Variants in ADAMTSL1 observed in about 807,000 individuals in gnomAD.
ADAMTSL1 encodes the protein ADAMTS like 1.
Under a neutral mutation model 201.8 loss-of-function variants are expected in ADAMTSL1, and 126 were observed. The ratio of observed to expected loss-of-function variants is 0.62; its 90% CI spans 0.54 to 0.72. The LOEUF is 0.72. ADAMTSL1 is among the 30% of genes least tolerant of loss of function. ADAMTSL1 has a pLI of 0.00. For missense variants in ADAMTSL1, 2,679 were observed against 2,277.8 expected (o/e 1.18, Z -3.59); for synonymous variants, 1,121 against 903.4 (o/e 1.24, Z -4.32).
intron 20 of ADAMTSL1, among the ~76,000 whole-genome samples, chr9:18,814,807 T>C (rs974705473): frequency 6.6e-6 from 1 of 152,286 alleles, no homozygotes; most frequent in East Asian, 1.9e-4. Context: ...TGAAATAATC[T>C]GTACAACAAA....
At chr9:18,116,135 G>C (rs1422891722) in intron 1 of ADAMTSL1, among the ~76,000 whole-genome samples, 1 of 152,134 alleles carries the variant, frequency 6.6e-6, no homozygotes, top group East Asian at 1.9e-4. Context: ...TCGAAGGCTT[G>C]ATGCCATCAT....
Position 18,532,575 on chromosome 9 carries a change from CA to C in ADAMTSL1, c.192-666del, listed in dbSNP as rs551458973. Among the ~76,000 whole-genome samples the C allele has an allele frequency of 1.8e-3, 278 of 151,856 alleles. 1 individual carries two copies. Among genetic ancestry groups the C allele is most frequent in the Middle Eastern group, 3.4e-3 (1 of 292 alleles). On this transcript the variant is annotated intron_variant, in intron 2 of 28. Transcript: ENST00000380548. ...ATTTAATACTGTGAGAAAATGCCTC[CA>C]AAAAATTTTAAGTGGAAACAAAAAC...
chr9:18,420,504 T>A (rs537000525), intron 2 of ADAMTSL1, among the ~76,000 whole-genome samples: 5 of 152,312 alleles, frequency 3.3e-5, no homozygotes, highest in African/African-American at 9.6e-5. Context: ...ACCTGGTGGA[T>A]TTCTCCTTCC....
At chr9:18,011,669 A>G (rs1005688922) in intron 1 of ADAMTSL1, among the ~76,000 whole-genome samples, 29 of 152,154 alleles carry the variant, frequency 1.9e-4, no homozygotes, top group African/African-American at 6.7e-4. Context: ...TCTAAAACTT[A>G]ATATTTTAGA....
chr9:18,062,662 G>A (rs1822511991), intron 1 of ADAMTSL1, among the ~76,000 whole-genome samples: 2 of 151,950 alleles, frequency 1.3e-5, no homozygotes, highest in African/African-American at 4.8e-5. Flanking sequence ...TGGAATTGAG[G>A]AATTACACAA....
At chr9:18,241,563 T>G (rs1004996009) in intron 2 of ADAMTSL1, among the ~76,000 whole-genome samples, 3 of 152,132 alleles carry the variant, frequency 2.0e-5, no homozygotes, top group African/African-American at 7.2e-5. Context: ...AAAAAAAATT[T>G]GTATTGCACA....
chr9:17,913,075 A>G (rs1477310685), intron 1 of ADAMTSL1, among the ~76,000 whole-genome samples: 1 of 152,164 alleles, frequency 6.6e-6, no homozygotes, highest in Non-Finnish European at 1.5e-5. Context: ...TGGTACCAGT[A>G]CCATGCTGTT....
At chr9:18,357,152 C>T (rs780377904) in intron 2 of ADAMTSL1, among the ~76,000 whole-genome samples, 3 of 152,070 alleles carry the variant, frequency 2.0e-5, no homozygotes, top group Admixed American at 6.5e-5. Context: ...TAAGTTAATG[C>T]TTTTTAATAG....
chr9:18,585,044 C>G (rs922045958), intron 4 of ADAMTSL1, among the ~76,000 whole-genome samples: 4 of 152,142 alleles, frequency 2.6e-5, no homozygotes, highest in Admixed American at 2.0e-4. Context: ...AAAATTCATC[C>G]AAGCTCTACC....
intron 2 of ADAMTSL1, among the ~76,000 whole-genome samples, chr9:18,379,614 C>G (rs7859508): frequency 0.43 from 66,034 of 152,032 alleles, 14,610 homozygotes; most frequent in South Asian, 0.54. Flanking sequence ...CATGGATAGC[C>G]TGGGAGAGGA....
chr9:18,659,796 G>C, intron 8 of ADAMTSL1, among the ~76,000 whole-genome samples: 1 of 151,844 alleles, frequency 6.6e-6, no homozygotes, highest in East Asian at 1.9e-4. Context: ...AAGGAAAATC[G>C]CTTTGTTTAA....
chr9:17,958,090 C>T (rs2131390520), intron 1 of ADAMTSL1, among the ~76,000 whole-genome samples: 1 of 152,200 alleles, frequency 6.6e-6, no homozygotes, highest in African/African-American at 2.4e-5. Context: ...TCCTTCTAGT[C>T]CTCTTTGTAA....
At chr9:18,642,933 G>A (rs539101636) in intron 7 of ADAMTSL1, among the ~76,000 whole-genome samples, 1 of 151,978 alleles carries the variant, frequency 6.6e-6, no homozygotes, top group African/African-American at 2.4e-5. Context: ...CATTTCCTTC[G>A]AGTATATACC....
chr9:17,940,104 A>G (rs1827176765), intron 1 of ADAMTSL1, among the ~76,000 whole-genome samples: 1 of 152,170 alleles, frequency 6.6e-6, no homozygotes, highest in Non-Finnish European at 1.5e-5. Context: ...AGACATAGTC[A>G]GGTGGTAGGT....
intron 16 of ADAMTSL1, 52 bp from the exon 17 acceptor site, chr9:18,770,550 T>G: frequency 6.6e-7 from 1 of 1,523,710 alleles, no homozygotes; most frequent in Non-Finnish European, 8.9e-7. Context: ...GCAGTCAGAC[T>G]GCCTTCCCAT....
intron 2 of ADAMTSL1, among the ~76,000 whole-genome samples, chr9:18,464,397 C>G (rs1820923166): frequency 6.6e-6 from 1 of 152,080 alleles, no homozygotes; most frequent in African/African-American, 2.4e-5. Context: ...ACAAATTATA[C>G]TATTGTACAT....
intron 2 of ADAMTSL1, among the ~76,000 whole-genome samples, chr9:18,433,988 G>A (rs1193454817): frequency 6.6e-6 from 1 of 152,174 alleles, no homozygotes; most frequent in East Asian, 1.9e-4. Flanking sequence ...AAATTTTAGT[G>A]TTTCACACAG....
chr9:18,808,971 A>G (rs1048547911), intron 20 of ADAMTSL1, among the ~76,000 whole-genome samples: 1 of 133,782 alleles, frequency 7.5e-6, no homozygotes, highest in African/African-American at 2.8e-5. Context: ...TAATGCACAT[A>G]GCACACCATA....
intron 2 of ADAMTSL1, among the ~76,000 whole-genome samples, chr9:18,302,629 T>G (rs768230976): frequency 5.3e-5 from 8 of 152,210 alleles, no homozygotes; most frequent in Non-Finnish European, 1.2e-4. Flanking sequence ...TAATATGACT[T>G]AAACCCTTTT....
Sources: gnomAD v4.1 joint callset for allele counts (sites outside exome capture counted in the v4.1 genomes callset) on GRCh38, gnomAD v4.1.1 for gene constraint, MANE v1.5 for transcripts, NCBI Gene and HGNC (gene_info 2026-07-23, HGNC 2026-07-21) for gene names.